Variants in DDX39A observed in about 807,000 individuals in gnomAD.
DDX39A encodes the protein ATP-dependent RNA helicase DDX39A.
A neutral mutation model predicts 46.3 loss-of-function variants in DDX39A; 13 were observed. The ratio of observed to expected loss-of-function variants is 0.28; its 90% CI spans 0.18 to 0.45. DDX39A has a LOEUF of 0.45. Among genes scored for constraint, DDX39A ranks in the 20% least tolerant of loss-of-function variants. The pLI is 1.00. For missense variants in DDX39A, 352 were observed against 581.8 expected, an observed-to-expected ratio of 0.61 and a Z score of 4.06; for synonymous variants, 234 against 224.6, an observed-to-expected ratio of 1.04 and a Z score of -0.38.
chr19:14,418,664 G>A (rs1339423412), intron 1 of DDX39A, among the ~76,000 whole-genome samples: 1 of 151,918 alleles, frequency 6.6e-6, no homozygotes, highest in Admixed American at 6.6e-5. Context: ...GTTTCACCAT[G>A]TTGGCCAGGC....
At position 14,411,207 on chromosome 19, in the gene DDX39A, T is replaced by C. The variant is rs1976576824; in HGVS notation, c.430-35A>G. On this transcript the variant is annotated intron_variant, in intron 4 of 10. Coordinates refer to ENST00000242776, the MANE Select transcript of DDX39A (RefSeq NM_005804.4). The surrounding 1 kb of genome is among the most constrained non-coding windows in gnomAD (Gnocchi z 4.1). Reference sequence around the variant, plus strand: ...TGAGGAGGAAACCGCTCCATGCTGATACACGGCCCAAGGCCCCAACCTGCA... The same window carrying C: ...TGAGGAGGAAACCGCTCCATGCTGACACACGGCCCAAGGCCCCAACCTGCA... 6.5e-7 allele frequency: 1 copy of C among 1,538,058 alleles called. No individual in the cohort carries two copies.
Position 14,409,428 on chromosome 19 carries a change from A to G in DDX39A, c.994T>C (p.Phe332Leu). ...QEERLSRYQQ[F>L]KDFQRRILVA... ...AGGATCCGCCGCTGGAAATCCTTGA[A>G]CTGCTGATAGCGTGACAGGCTGGGG... The change falls in exon 9 of 11, where the codon TTC (phenylalanine) becomes CTC (leucine). Residue 332 changes from phenylalanine to leucine, a missense_variant. Physicochemically the swap from Phe to Leu is conservative, Grantham distance 22. Transcript: ENST00000242776. This position sits in a 1 kb window ranked among gnomAD's most constrained non-coding sequence, Gnocchi z 8.3. 1.9e-6 allele frequency: 3 copies of G among 1,614,128 alleles called. No homozygotes were observed. Among genetic ancestry groups the G allele is most frequent in the Non-Finnish European group, 2.5e-6 (3 of 1,180,020 alleles).
In DDX39A at chr19:14,410,522, CGCGGGA is replaced by C. The variant is rs1464153295; in HGVS notation, c.614-194_614-189del. 25 of 607,408 alleles carry C rather than the reference CGCGGGA, an allele frequency of 4.1e-5. No homozygotes were observed. In the East Asian group the frequency reaches 7.1e-4, roughly 17 times the overall value. 37.6% of individuals were successfully genotyped at this position (607,408 alleles called of 1,614,324 possible). On this transcript the variant is annotated intron_variant, in intron 5 of 10. Coordinates refer to ENST00000242776, the MANE Select transcript of DDX39A (RefSeq NM_005804.4). This position sits in a 1 kb window ranked among gnomAD's most constrained non-coding sequence, Gnocchi z 4.3. ...CTGGGGGGTGGCCAGCGAGCGCAGG[CGCGGGA>C]GGAGCTGCAATCCACTTACACGCTG...
In DDX39A at chr19:14,412,300, T is replaced by C. The variant is rs1383796430; in HGVS notation, c.336+251A>G. On this transcript the variant is annotated intron_variant, in intron 3 of 10. Coordinates refer to ENST00000242776, the MANE Select transcript of DDX39A (RefSeq NM_005804.4). The surrounding 1 kb of genome is among the most constrained non-coding windows in gnomAD (Gnocchi z 4.4). ...AAACTGTGGGCACTTTCCAGTTATT[T>C]TGGCTTATTGGCAATTTCTAATTTT... is the stretch of plus-strand genomic sequence containing the variant. 6 of 445,682 alleles carry C rather than the reference T, an allele frequency of 1.3e-5. No individual in the cohort carries two copies. Among genetic ancestry groups the C allele is most frequent in the Admixed American group, 8.0e-5 (2 of 24,846 alleles). The allele number at this position is 445,682 out of a possible 1,614,324, so 27.6% of individuals were successfully genotyped here. A position where few individuals can be genotyped will look rare whatever the true frequency, so the allele number is the denominator to read the frequency against.
In DDX39A at chr19:14,411,680, C is replaced by A; in HGVS notation, c.337-82G>T. 3 of 1,228,228 alleles carry A rather than the reference C, an allele frequency of 2.4e-6. No individual in the cohort carries two copies. Among genetic ancestry groups the A allele is most frequent in the South Asian group, 2.5e-5 (2 of 79,910 alleles). The allele number at this position is 1,228,228 out of a possible 1,614,324, so 76.1% of individuals were successfully genotyped here. ...CCACCAGAGTCCACCCAACCCAGTC[C>A]CCCTGACACTGCACCCAACATCACA... On this transcript the variant is annotated intron_variant, in intron 3 of 10. Transcript: ENST00000242776. This position sits in a 1 kb window ranked among gnomAD's most constrained non-coding sequence, Gnocchi z 4.1.
Position 14,412,972 on chromosome 19 carries a change from G to A in DDX39A, c.208+41C>T, listed in dbSNP as rs778003257. 9.4e-6 allele frequency: 15 copies of A among 1,594,894 alleles called. No individual in the cohort carries two copies. The highest frequency in any genetic ancestry group is 1.3e-5 in the African/African-American group (1 of 74,408). On this transcript the variant is annotated intron_variant, in intron 2 of 10. Transcript: ENST00000242776. The surrounding 1 kb of genome is among the most constrained non-coding windows in gnomAD (Gnocchi z 4.4). ...GGGCGGGCAGGGCTGGTCTTGTCTTGGTGAGGACCTGGGCAAGAGGATAAC... is the reference window on the plus strand; with the variant it reads ...GGGCGGGCAGGGCTGGTCTTGTCTTAGTGAGGACCTGGGCAAGAGGATAAC...
rs1358182864 is a variant in DDX39A at position 14,412,488 on chromosome 19, C to T, written c.336+63G>A. 4 of 1,564,046 alleles carry T rather than the reference C, an allele frequency of 2.6e-6. No individual in the cohort carries two copies. Among genetic ancestry groups the T allele is most frequent in the Non-Finnish European group, 3.4e-6 (4 of 1,159,580 alleles). ...GGCTAACAGGTGTGAGCCACCCCATCCAGCCTACTCTACTTCCGCCGCCAC... is the reference window on the plus strand; with the variant it reads ...GGCTAACAGGTGTGAGCCACCCCATTCAGCCTACTCTACTTCCGCCGCCAC... On this transcript the variant is annotated intron_variant, in intron 3 of 10. Transcript: ENST00000242776. The surrounding 1 kb of genome is among the most constrained non-coding windows in gnomAD (Gnocchi z 4.4).
At chr19:14,415,753 C>G (rs1477842381) in intron 1 of DDX39A, among the ~76,000 whole-genome samples, 2 of 151,966 alleles carry the variant, frequency 1.3e-5, no homozygotes, top group Non-Finnish European at 2.9e-5. Context: ...CAGCCCCTCC[C>G]CAGAGCAGCC....
chr19:14,411,207 TA>T lies in DDX39A; in HGVS notation c.430-36del. 1 of 1,538,058 alleles carries T rather than the reference TA, an allele frequency of 6.5e-7. No individual in the cohort carries two copies. Among genetic ancestry groups the T allele is most frequent in the South Asian group, 1.2e-5 (1 of 80,802 alleles). ...TGAGGAGGAAACCGCTCCATGCTGA[TA>T]CACGGCCCAAGGCCCCAACCTGCAC... On this transcript the variant is annotated intron_variant, in intron 4 of 10. Transcript: ENST00000242776. This position sits in a 1 kb window ranked among gnomAD's most constrained non-coding sequence, Gnocchi z 4.1.
At position 14,418,507 on chromosome 19, in the gene DDX39A, G is replaced by A. The variant is rs561075719; in HGVS notation, c.-5+763C>T. Among the ~76,000 whole-genome samples the A allele has an allele frequency of 1.1e-4, 17 of 152,200 alleles. No homozygotes were observed. In the South Asian group the frequency reaches 3.5e-3, roughly 32 times the overall value. On this transcript the variant is annotated intron_variant, in intron 1 of 10. Coordinates refer to ENST00000242776, the MANE Select transcript of DDX39A (RefSeq NM_005804.4). Reference sequence around the variant, plus strand: ...GAATCTCGCTCTGTCACCCAGGCTGGAGTGCAGTGTCGCGATCTCGGCTCA... The same window carrying A: ...GAATCTCGCTCTGTCACCCAGGCTGAAGTGCAGTGTCGCGATCTCGGCTCA...
At chr19:14,418,655 T>C (rs1334057297) in intron 1 of DDX39A, among the ~76,000 whole-genome samples, 1 of 151,214 alleles carries the variant, frequency 6.6e-6, no homozygotes, top group African/African-American at 2.4e-5. Context: ...AGAGACGAGG[T>C]TTCACCATGT....
rs1976507277 is a variant in DDX39A, at chr19:14,410,067, A to G, written c.732+149T>C. 1 of 1,022,792 alleles carries G rather than the reference A, an allele frequency of 9.8e-7. No individual in the cohort carries two copies. The highest frequency in any genetic ancestry group is 1.3e-5 in the South Asian group (1 of 76,338). The allele number at this position is 1,022,792 out of a possible 1,614,324, so 63.4% of individuals were successfully genotyped here. A position where few individuals can be genotyped will look rare whatever the true frequency, so the allele number is the denominator to read the frequency against. The stretch of plus-strand genomic sequence containing the variant: ...CAGGTGTGGACCAAGCTTGACTCCC[A>G]GTTTGACAAGACCGAGGGGAGGAAA... On this transcript the variant is annotated intron_variant, in intron 6 of 10. Transcript: ENST00000242776. This position sits in a 1 kb window ranked among gnomAD's most constrained non-coding sequence, Gnocchi z 4.3.
In DDX39A at chr19:14,411,668, C is replaced by T; in HGVS notation, c.337-70G>A. On this transcript the variant is annotated intron_variant, in intron 3 of 10. Transcript: ENST00000242776. This position sits in a 1 kb window ranked among gnomAD's most constrained non-coding sequence, Gnocchi z 4.1. ...TAAACCCCTTCCCCACCAGAGTCCA[C>T]CCAACCCAGTCCCCCTGACACTGCA... The T allele has an allele frequency of 7.2e-7, 1 of 1,397,616 alleles. No homozygotes were observed. The highest frequency in any genetic ancestry group is 1.4e-5 in the African/African-American group (1 of 70,430). The allele number at this position is 1,397,616 out of a possible 1,614,324, so 86.6% of individuals were successfully genotyped here. A position where few individuals can be genotyped will look rare whatever the true frequency, so the allele number is the denominator to read the frequency against.
chr19:14,414,333 TA>T (rs1976717366), intron 1 of DDX39A, among the ~76,000 whole-genome samples: 1 of 91,862 alleles, frequency 1.1e-5, no homozygotes, highest in African/African-American at 5.5e-5. Context: ...GTTTTATTAT[TA>T]TTATTATTAT....
In DDX39A at chr19:14,411,893, T is replaced by C. The variant is rs879308059; in HGVS notation, c.337-295A>G. 1.1e-4 allele frequency among the ~76,000 whole-genome samples: 16 copies of C among 152,092 alleles called. No individual in the cohort carries two copies. Among genetic ancestry groups the C allele is most frequent in the Admixed American group, 6.6e-5 (1 of 15,258 alleles). ...TTAGACCTGGCCTGCCTGGGTGACA[T>C]GGGACCTGGCTCTCTAAGGATTTCC... On this transcript the variant is annotated intron_variant, in intron 3 of 10. Transcript: ENST00000242776. The surrounding 1 kb of genome is among the most constrained non-coding windows in gnomAD (Gnocchi z 4.1).
chr19:14,415,448 CGCCCGCCACCA>C (rs1976773129), intron 1 of DDX39A, among the ~76,000 whole-genome samples: 2 of 151,950 alleles, frequency 1.3e-5, no homozygotes, highest in Admixed American at 6.6e-5. Context: ...GAGCTACATG[CGCCCGCCACCA>C]CTAATTTTTG....
Position 14,410,817 on chromosome 19 carries a change from G to T in DDX39A, c.613+172C>A. 2 of 631,776 alleles carry T rather than the reference G, an allele frequency of 3.2e-6. No homozygotes were observed. Among genetic ancestry groups the T allele is most frequent in the South Asian group, 2.4e-5 (1 of 42,250 alleles). 39.1% of individuals were successfully genotyped at this position (631,776 alleles called of 1,614,324 possible). ...TGCTTGGGCCCCGTGGTCCCATTCGGCTCGGGCTCAGAAACAGCACATCCC... is the reference window on the plus strand; with the variant it reads ...TGCTTGGGCCCCGTGGTCCCATTCGTCTCGGGCTCAGAAACAGCACATCCC... On this transcript the variant is annotated intron_variant, in intron 5 of 10. Transcript: ENST00000242776. This position sits in a 1 kb window ranked among gnomAD's most constrained non-coding sequence, Gnocchi z 4.3.
Position 14,408,918 on chromosome 19 carries a change from G to T in DDX39A, c.*18C>A. The T allele has an allele frequency of 6.3e-7, 1 of 1,578,574 alleles. No individual in the cohort carries two copies. The highest frequency in any genetic ancestry group is 8.6e-7 in the Non-Finnish European group (1 of 1,159,934). Reference sequence around the variant, plus strand: ...TGCATGCGGGCGGCTCCGGGTGGGCGGCTCTGGCACGTGGTGGTTACCGGC... The same window carrying T: ...TGCATGCGGGCGGCTCCGGGTGGGCTGCTCTGGCACGTGGTGGTTACCGGC... On this transcript the variant is annotated 3_prime_UTR_variant, in exon 11 of 11. Transcript: ENST00000242776.
chr19:14,411,466 A>T lies in DDX39A; in HGVS notation c.429+40T>A, dbSNP rs948261776. On this transcript the variant is annotated intron_variant, in intron 4 of 10. Coordinates refer to ENST00000242776, the MANE Select transcript of DDX39A (RefSeq NM_005804.4). This position sits in a 1 kb window ranked among gnomAD's most constrained non-coding sequence, Gnocchi z 4.1. Reference sequence around the variant, plus strand: ...AGCCGAGGCTAACAAAGCTGCAGAAACCAAGTGGCGCCTGGTCCAGTCTGG... The same window carrying T: ...AGCCGAGGCTAACAAAGCTGCAGAATCCAAGTGGCGCCTGGTCCAGTCTGG... 1 of 1,575,638 alleles carries T rather than the reference A, an allele frequency of 6.3e-7. No individual in the cohort carries two copies. The highest frequency in any genetic ancestry group is 1.3e-5 in the African/African-American group (1 of 74,100).
Sources: allele counts gnomAD v4.1 joint callset (sites outside exome capture counted in the v4.1 genomes callset), GRCh38; gene constraint gnomAD v4.1.1; non-coding constraint Gnocchi (gnomAD v3.1); transcripts MANE v1.5; gene names NCBI Gene and HGNC (gene_info 2026-07-23, HGNC 2026-07-21).